Variants in TRAPPC10 observed in about 807,000 individuals in gnomAD.
TRAPPC10 encodes the protein TRAPP 130 kDa subunit.
In TRAPPC10, 23 loss-of-function variants were observed where a neutral mutation model predicts 125.5. That is an observed-to-expected ratio of 0.18 (90% CI 0.13 to 0.26). TRAPPC10 has a LOEUF of 0.26. Among genes scored for constraint, TRAPPC10 ranks in the 10% least tolerant of loss-of-function variants. The pLI is 1.00. For synonymous variants in TRAPPC10, 509 were observed against 518.0 expected, an observed-to-expected ratio of 0.98 and a Z score of 0.24; for missense variants, 1,123 against 1,308.4, an observed-to-expected ratio of 0.86 and a Z score of 2.19.
At chr21:44,093,927 T>C (rs8132918) in intron 19 of TRAPPC10, 136 bp from the exon 20 acceptor site, 208,714 of 843,474 alleles carry the variant, frequency 0.25, 32,898 homozygotes, top group African/African-American at 0.64. Flanking sequence ...GCAGCATGCA[T>C]AGGCGTGCTG....
chr21:44,015,464 C>T (rs888806635), intron 1 of TRAPPC10, among the ~76,000 whole-genome samples: 40 of 152,088 alleles, frequency 2.6e-4, no homozygotes, highest in African/African-American at 8.0e-4. Context: ...GTCACCTAGG[C>T]TAGAGTGCAG....
At chr21:44,092,434 A>G (rs540884232) in intron 19 of TRAPPC10, among the ~76,000 whole-genome samples, 335 of 152,358 alleles carry the variant, frequency 2.2e-3, no homozygotes, top group Middle Eastern at 0.01. Flanking sequence ...TAAAAGAGCC[A>G]TGCTTGTGCC....
chr21:44,033,175 G>T (rs1010824059), intron 2 of TRAPPC10, among the ~76,000 whole-genome samples: 7 of 152,294 alleles, frequency 4.6e-5, no homozygotes, highest in African/African-American at 1.7e-4. Flanking sequence ...TAGGTAATCT[G>T]ATTTTAACCA....
intron 3 of TRAPPC10, among the ~76,000 whole-genome samples, chr21:44,051,161 C>T (rs1028411438): frequency 1.3e-5 from 2 of 152,190 alleles, no homozygotes; most frequent in African/African-American, 2.4e-5. Context: ...ACCTTAGCCT[C>T]CCAAAGTGCT....
intron 6 of TRAPPC10, chr21:44,060,250 C>T (rs1298191020): frequency 6.6e-6 from 1 of 150,790 alleles, no homozygotes; most frequent in African/African-American, 2.4e-5. Context: ...TAAAAAAACA[C>T]TTCTATTTCT....
intron 3 of TRAPPC10, among the ~76,000 whole-genome samples, chr21:44,044,356 A>C (rs898465795): frequency 1.1e-4 from 16 of 152,000 alleles, no homozygotes; most frequent in African/African-American, 3.4e-4. Context: ...ATTTAAAAAA[A>C]GGAGTAAGTT....
At chr21:44,029,725 G>A (rs925316842) in intron 1 of TRAPPC10, among the ~76,000 whole-genome samples, 1 of 152,188 alleles carries the variant, frequency 6.6e-6, no homozygotes, top group Non-Finnish European at 1.5e-5. Context: ...TCCTCATGGG[G>A]CCTTCCTGCG....
intron 7 of TRAPPC10, among the ~76,000 whole-genome samples, chr21:44,070,005 A>G (rs2036746615): frequency 6.6e-6 from 1 of 151,376 alleles, no homozygotes; most frequent in Admixed American, 6.6e-5. Flanking sequence ...GCGATAAGAG[A>G]GGGCATACTT....
chr21:44,062,363 T>C (rs1266547021), intron 6 of TRAPPC10, among the ~76,000 whole-genome samples: 2 of 152,178 alleles, frequency 1.3e-5, no homozygotes, highest in Non-Finnish European at 2.9e-5. Context: ...CACAGAAAAG[T>C]AAATCTATCA....
At chr21:44,058,979 G>A in intron 5 of TRAPPC10, 124 bp from the exon 6 acceptor site, 2 of 626,832 alleles carry the variant, frequency 3.2e-6, no homozygotes, top group Non-Finnish European at 5.4e-6. Flanking sequence ...TTGTTACTTA[G>A]CGGAGCGTAG....
At chr21:44,061,390 T>G (rs1302862772) in intron 6 of TRAPPC10, among the ~76,000 whole-genome samples, 1 of 152,102 alleles carries the variant, frequency 6.6e-6, no homozygotes, top group Admixed American at 6.5e-5. Context: ...CACCTCAGCC[T>G]CCCAAAGTGC....
intron 11 of TRAPPC10, among the ~76,000 whole-genome samples, chr21:44,079,204 T>C (rs1021181631): frequency 1.3e-5 from 2 of 152,194 alleles, no homozygotes; most frequent in Non-Finnish European, 2.9e-5. Flanking sequence ...TTCCTTCACC[T>C]TCTCTTAGCC....
At chr21:44,064,333 G>A (rs1336467379) in intron 7 of TRAPPC10, among the ~76,000 whole-genome samples, 1 of 151,754 alleles carries the variant, frequency 6.6e-6, no homozygotes, top group Non-Finnish European at 1.5e-5. Context: ...GTGTGTGTGT[G>A]TGTGTGAGTG....
In TRAPPC10 at chr21:44,077,846, A is replaced by G. The variant is rs562909126; in HGVS notation, c.1469+62A>G. The stretch of plus-strand genomic sequence containing the variant: ...TACAAATAACACGAGAAGATTTGTT[A>G]TATATGGAGTTAGTATAAAGTGCAC... On this transcript the variant is annotated intron_variant, in intron 11 of 22. Coordinates refer to ENST00000291574, the MANE Select transcript of TRAPPC10 (RefSeq NM_003274.5). 51 of 1,292,526 alleles carry G rather than the reference A, an allele frequency of 3.9e-5. 4 individuals carry two copies. The Middle Eastern group carries it at 6.1e-4, about 15-fold the overall frequency. 80.1% of individuals were successfully genotyped at this position (1,292,526 alleles called of 1,614,324 possible).
chr21:44,056,665 A>G (rs9974315), intron 5 of TRAPPC10, among the ~76,000 whole-genome samples: 54,693 of 152,098 alleles, frequency 0.36, 13,504 homozygotes, highest in African/African-American at 0.71. Context: ...ATTAGACAAC[A>G]TAGCTCTCTT....
chr21:44,056,766 G>A (rs1052863361), intron 5 of TRAPPC10, among the ~76,000 whole-genome samples: 4 of 152,120 alleles, frequency 2.6e-5, no homozygotes, highest in Non-Finnish European at 5.9e-5. Flanking sequence ...TTTGGGGGTC[G>A]AGGGTGGGGT....
rs1170076088 is a variant in TRAPPC10, at chr21:44,077,688, C to A, written c.1378-5C>A. ...GTACATAATTGTGTTTTTACTTCCC[C>A]ACAGGATTTGTCCCATGCCACCATT... On this transcript the variant is annotated splice_polypyrimidine_tract_variant and splice_region_variant and intron_variant, in intron 10 of 22. Transcript: ENST00000291574. 2.5e-6 allele frequency: 4 copies of A among 1,593,142 alleles called. No homozygotes were observed. The highest frequency in any genetic ancestry group is 1.1e-5 in the South Asian group (1 of 87,980).
chr21:44,065,369 G>C (rs929559955), intron 7 of TRAPPC10, among the ~76,000 whole-genome samples: 6 of 152,176 alleles, frequency 3.9e-5, no homozygotes, highest in African/African-American at 1.4e-4. Flanking sequence ...TGTATCGTGT[G>C]AGGAGCCTCT....
rs1407143012 is a variant in TRAPPC10 at position 44,075,024 on chromosome 21, G to C, written c.1186-15G>C. Reference sequence around the variant, plus strand: ...TTACGGCAAATTAATTGAAATTGTGGATTTATCTTAACAGTTAAAGTCCTT... The same window carrying C: ...TTACGGCAAATTAATTGAAATTGTGCATTTATCTTAACAGTTAAAGTCCTT... On this transcript the variant is annotated splice_polypyrimidine_tract_variant and intron_variant, in intron 8 of 22. Coordinates refer to ENST00000291574, the MANE Select transcript of TRAPPC10 (RefSeq NM_003274.5). 6.5e-7 allele frequency: 1 copy of C among 1,541,338 alleles called. No individual in the cohort carries two copies. Among genetic ancestry groups the C allele is most frequent in the Non-Finnish European group, 8.9e-7 (1 of 1,119,156 alleles).
Sources: allele counts gnomAD v4.1 joint callset (sites outside exome capture counted in the v4.1 genomes callset), GRCh38; gene constraint gnomAD v4.1.1; transcripts MANE v1.5; gene names NCBI Gene and HGNC (gene_info 2026-07-23, HGNC 2026-07-21).